The following ADAM12 variants were observed in gnomAD, a reference collection of about 807,000 sequenced individuals.
ADAM12 encodes the protein disintegrin and metalloproteinase domain-containing protein 12.
A neutral mutation model predicts 106.4 loss-of-function variants in ADAM12; 70 were observed. The observed-to-expected ratio is 0.66, with a 90% CI of 0.54 to 0.80. The LOEUF (loss-of-function observed/expected upper bound fraction) is 0.80, where lower values mean the gene tolerates loss of function less well. Among genes scored for constraint, ADAM12 ranks in the 30% least tolerant of loss-of-function variants. The probability of loss-of-function intolerance (pLI) is 0.00; values close to 1 mark genes in which losing one functional copy is unlikely to be tolerated. For missense variants in ADAM12, 1,010 were observed against 1,171.9 expected, an observed-to-expected ratio of 0.86 and a Z score of 2.02; for synonymous variants, 420 against 433.5, an observed-to-expected ratio of 0.97 and a Z score of 0.39.
chr10:126,159,411 C>T (rs539598892), intron 3 of ADAM12, among the ~76,000 whole-genome samples: 4 of 150,526 alleles, frequency 2.7e-5, no homozygotes, highest in South Asian at 2.1e-4. Context: ...TTAATTATTA[C>T]ATATATTATT....
chr10:126,308,843 C>A (rs555309404), intron 2 of ADAM12, among the ~76,000 whole-genome samples: 2 of 152,156 alleles, frequency 1.3e-5, no homozygotes, highest in Non-Finnish European at 1.5e-5. Flanking sequence ...CCTTTAATAT[C>A]GTATCCATTG....
At chr10:126,164,915 C>T (rs957187956) in intron 3 of ADAM12, among the ~76,000 whole-genome samples, 3 of 152,178 alleles carry the variant, frequency 2.0e-5, no homozygotes, top group Non-Finnish European at 4.4e-5. Context: ...AAAGAAGTAT[C>T]GAAGACATCT....
intron 1 of ADAM12, among the ~76,000 whole-genome samples, chr10:126,367,085 G>T (rs1029552724): frequency 1.3e-5 from 2 of 151,860 alleles, no homozygotes; most frequent in African/African-American, 4.8e-5. Flanking sequence ...GCTATTTACG[G>T]GACATTACCC....
chr10:126,203,330 T>A (rs1565135734), intron 3 of ADAM12, among the ~76,000 whole-genome samples: 1 of 152,204 alleles, frequency 6.6e-6, no homozygotes, highest in Non-Finnish European at 1.5e-5. Context: ...AGAATTATAG[T>A]CTGAAGGAGA....
intron 3 of ADAM12, among the ~76,000 whole-genome samples, chr10:126,206,392 T>A (rs930871810): frequency 2.0e-5 from 3 of 152,122 alleles, no homozygotes; most frequent in Non-Finnish European, 4.4e-5. Context: ...GGGAGACAGA[T>A]GAATCAATTT....
intron 2 of ADAM12, among the ~76,000 whole-genome samples, chr10:126,321,426 C>T (rs1854090794): frequency 6.6e-6 from 1 of 152,044 alleles, no homozygotes; most frequent in South Asian, 2.1e-4. Flanking sequence ...TAAGGCCTTG[C>T]TAAGAGGTCA....
At chr10:126,205,290 T>C (rs1396565662) in intron 3 of ADAM12, among the ~76,000 whole-genome samples, 1 of 151,122 alleles carries the variant, frequency 6.6e-6, no homozygotes, top group Non-Finnish European at 1.5e-5. Flanking sequence ...TTTGAGTTGG[T>C]TTTCTGTCAC....
intron 1 of ADAM12, among the ~76,000 whole-genome samples, chr10:126,366,987 T>G (rs377374559): frequency 6.6e-6 from 1 of 152,128 alleles, no homozygotes; most frequent in Non-Finnish European, 1.5e-5. Flanking sequence ...TTAAAGGTGT[T>G]ACTCCTCTCC....
rs553088916 is a variant in ADAM12 at position 126,028,771 on chromosome 10, G to A, written c.2529+7375C>T. Reference sequence around the variant, plus strand: ...AAAAGATTTCATGACAACATCAAGAGCAAAAATTGACAAACGGGATCTAAT... The same window carrying A: ...AAAAGATTTCATGACAACATCAAGAACAAAAATTGACAAACGGGATCTAAT... On this transcript the variant is annotated intron_variant, in intron 21 of 22. Transcript: ENST00000448723. 1.2e-4 allele frequency among the ~76,000 whole-genome samples: 18 copies of A among 152,032 alleles called. No individual in the cohort carries two copies. The East Asian group carries it at 1.7e-3, about 15-fold the overall frequency.
chr10:126,152,567 T>G (rs1331582980), intron 4 of ADAM12, among the ~76,000 whole-genome samples: 1 of 151,874 alleles, frequency 6.6e-6, no homozygotes, highest in African/African-American at 2.4e-5. Flanking sequence ...GCTTTTTTTT[T>G]GTTTTGTTTT....
At chr10:126,125,970 G>C (rs1338565617) in intron 5 of ADAM12, among the ~76,000 whole-genome samples, 2 of 151,942 alleles carry the variant, frequency 1.3e-5, no homozygotes, top group African/African-American at 4.8e-5. Context: ...ATGTGGGAGG[G>C]ATTCTTCCGT....
intron 6 of ADAM12, among the ~76,000 whole-genome samples, chr10:126,115,491 A>G (rs1357226098): frequency 6.6e-6 from 1 of 152,208 alleles, no homozygotes; most frequent in African/African-American, 2.4e-5. Flanking sequence ...TTCGAGGGGC[A>G]GCCTGGGTTC....
chr10:126,061,615 T>A (rs976517033), intron 14 of ADAM12, among the ~76,000 whole-genome samples: 1 of 151,854 alleles, frequency 6.6e-6, no homozygotes, highest in Non-Finnish European at 1.5e-5. Context: ...GGCAGGAGAG[T>A]CAGTGTCAGA....
At chr10:126,019,672 TG>T (rs1953724875) in intron 22 of ADAM12, 22 bp downstream of exon 22, 1 of 1,607,060 alleles carries the variant, frequency 6.2e-7, no homozygotes, top group African/African-American at 1.3e-5. Flanking sequence ...GAGAAAGAGA[TG>T]GGCATGGCAT....
chr10:126,282,109 G>A (rs1331887830), intron 2 of ADAM12, among the ~76,000 whole-genome samples: 1 of 152,132 alleles, frequency 6.6e-6, no homozygotes, highest in East Asian at 1.9e-4. Context: ...GAAGGCATTG[G>A]CAGGTTTGGT....
chr10:126,039,496 G>C, intron 18 of ADAM12, 67 bp from the exon 19 acceptor site: 1 of 1,597,074 alleles, frequency 6.3e-7, no homozygotes, highest in Non-Finnish European at 8.6e-7. Context: ...GTATCAAGTT[G>C]TGACGTTTAT....
At position 126,022,548 on chromosome 10, in the gene ADAM12, C is replaced by A. The variant is rs535093986; in HGVS notation, c.2530-2723G>T. 2.6e-5 allele frequency among the ~76,000 whole-genome samples: 4 copies of A among 152,288 alleles called. No homozygotes were observed. The East Asian group carries it at 7.7e-4, about 29-fold the overall frequency. ...GACATTAGGCATGGAGGTGTGGAAC[C>A]CATGATGCAAGAAGCACCAGCTGCA... On this transcript the variant is annotated intron_variant, in intron 21 of 22. Coordinates refer to ENST00000448723, the MANE Select transcript of ADAM12 (RefSeq NM_001288973.2).
intron 3 of ADAM12, among the ~76,000 whole-genome samples, chr10:126,227,526 A>G (rs1477240456): frequency 6.6e-6 from 1 of 152,188 alleles, no homozygotes; most frequent in Admixed American, 6.5e-5. Flanking sequence ...AGCAGCAGGT[A>G]CGACACACAG....
chr10:126,223,267 T>C (rs1304555085), intron 3 of ADAM12, among the ~76,000 whole-genome samples: 5 of 152,218 alleles, frequency 3.3e-5, no homozygotes, highest in East Asian at 1.9e-4. Flanking sequence ...TGCTCTGACA[T>C]AGATTCGAAG....
Sources: allele counts gnomAD v4.1 joint callset (sites outside exome capture counted in the v4.1 genomes callset), GRCh38; gene constraint gnomAD v4.1.1; transcripts MANE v1.5; gene names NCBI Gene and HGNC (gene_info 2026-07-23, HGNC 2026-07-21).